The following ADAM18 variants were observed in gnomAD, a reference collection of about 807,000 sequenced individuals.
ADAM18 encodes ADAM metallopeptidase domain 18.
In ADAM18, 117 loss-of-function variants were observed where a neutral mutation model predicts 94.4. That is an observed-to-expected ratio of 1.24 (90% CI 1.07 to 1.45). ADAM18 has a LOEUF of 1.45. ADAM18 is among the 40% of genes most tolerant of loss of function. The pLI is 0.00. For synonymous variants in ADAM18, 327 were observed against 291.6 expected (o/e 1.12, Z -1.24); for missense variants, 936 against 880.0 (o/e 1.06, Z -0.81).
At chr8:39,585,999 A>G (rs1057153261) in intron 2 of ADAM18, among the ~76,000 whole-genome samples, 2 of 152,240 alleles carry the variant, frequency 1.3e-5, no homozygotes, top group African/African-American at 4.8e-5. Context: ...ACTGGAAGTC[A>G]CAATATAGGG....
intron 17 of ADAM18, among the ~76,000 whole-genome samples, chr8:39,694,239 A>G (rs1346291012): frequency 2.0e-5 from 3 of 151,350 alleles, no homozygotes; most frequent in Non-Finnish European, 3.0e-5. Flanking sequence ...ATTTTTTATT[A>G]TAATTTTCAA....
chr8:39,672,178 G>A (rs553327575), intron 14 of ADAM18, among the ~76,000 whole-genome samples: 1 of 152,286 alleles, frequency 6.6e-6, no homozygotes, highest in African/African-American at 2.4e-5. Context: ...TGTAATCTAT[G>A]TACTGTGTAT....
intron 17 of ADAM18, among the ~76,000 whole-genome samples, chr8:39,693,894 C>G (rs1344324109): frequency 2.6e-5 from 4 of 151,110 alleles, no homozygotes; most frequent in Non-Finnish European, 5.9e-5. Flanking sequence ...AATGACAGGT[C>G]TCAATAGACA....
chr8:39,680,131 C>T lies in ADAM18; in HGVS notation c.1726C>T (p.His576Tyr), dbSNP rs373762690. 6.2e-7 allele frequency: 1 copy of T among 1,613,660 alleles called. No homozygotes were observed. Among genetic ancestry groups the T allele is most frequent in the Admixed American group, 1.7e-5 (1 of 59,936 alleles). ...QSTVYSYIQD[H>Y]VCVSIATGSS... ...TACAGTTTATTCATATATTCAAGAC[C>T]ATGTATGTGTATCTATAGCCACTGG... The change falls in exon 16 of 20, where the codon CAT becomes TAT. Residue 576 changes from histidine (H) to tyrosine (Y), a missense_variant. His to Tyr is a moderately conservative substitution (Grantham distance 83, BLOSUM62 2). Transcript: ENST00000265707.
In ADAM18 at chr8:39,677,538, T is replaced by C. The variant is rs373968061; in HGVS notation, c.1631+2T>C. On this transcript the variant is annotated splice_donor_variant, in intron 15 of 19. Coordinates refer to ENST00000265707, the MANE Select transcript of ADAM18 (RefSeq NM_014237.3). LOFTEE classifies it high-confidence loss of function. ...ACAACCATTACCTTGTGAACGGAAG[T>C]ACGTATGTAGAAAATGATTGCTTCT... 2 of 1,581,510 alleles carry C rather than the reference T, an allele frequency of 1.3e-6. No homozygotes were observed. The highest frequency in any genetic ancestry group is 1.7e-6 in the Non-Finnish European group (2 of 1,164,844).
intron 17 of ADAM18, among the ~76,000 whole-genome samples, chr8:39,693,304 T>A (rs1463321675): frequency 2.0e-5 from 3 of 151,530 alleles, no homozygotes; most frequent in Non-Finnish European, 4.4e-5. Context: ...ATTCTATAAT[T>A]TCTAAAATAG....
chr8:39,690,813 C>G (rs569430676), intron 16 of ADAM18, among the ~76,000 whole-genome samples: 1 of 152,170 alleles, frequency 6.6e-6, no homozygotes, highest in Non-Finnish European at 1.5e-5. Flanking sequence ...TCTCAAAGAA[C>G]TTAAAACAAT....
At chr8:39,637,854 T>A in intron 9 of ADAM18, 151 bp downstream of exon 9, 1 of 576,144 alleles carries the variant, frequency 1.7e-6, no homozygotes, top group Non-Finnish European at 2.7e-6. Flanking sequence ...CTAGTGTACT[T>A]AAAAATATAA....
chr8:39,625,725 G>A (rs1819749210), intron 6 of ADAM18, among the ~76,000 whole-genome samples: 2 of 151,662 alleles, frequency 1.3e-5, no homozygotes, highest in Admixed American at 6.6e-5. Flanking sequence ...TGCCTAGTTT[G>A]TTGAATTTTT....
chr8:39,715,314 C>A (rs974489678), intron 18 of ADAM18, among the ~76,000 whole-genome samples: 3 of 151,188 alleles, frequency 2.0e-5, no homozygotes, highest in African/African-American at 2.4e-5. Context: ...TTTGTGAGAC[C>A]CATCAAATGC....
At chr8:39,713,757 G>A (rs1366813068) in intron 18 of ADAM18, among the ~76,000 whole-genome samples, 4 of 151,940 alleles carry the variant, frequency 2.6e-5, no homozygotes, top group African/African-American at 9.7e-5. Context: ...TCTCACACCA[G>A]TTAGAATGGC....
chr8:39,607,756 A>T lies in ADAM18; in HGVS notation c.189-1286A>T, dbSNP rs1348138037. On this transcript the variant is annotated intron_variant, in intron 3 of 19. Coordinates refer to ENST00000265707, the MANE Select transcript of ADAM18 (RefSeq NM_014237.3). ...CTCCTTTCTCTATTTTTTTTTTTTTAATTCTTTCTCATCTCTCGAATCTTA... is the reference window on the plus strand; with the variant it reads ...CTCCTTTCTCTATTTTTTTTTTTTTTATTCTTTCTCATCTCTCGAATCTTA... Among the ~76,000 whole-genome samples the T allele has an allele frequency of 6.6e-4, 85 of 128,920 alleles. No homozygotes were observed. The East Asian group carries it at 0.018, about 27-fold the overall frequency. The allele number at this position is 128,920 out of a possible 152,430, so 84.6% of individuals were successfully genotyped here. A position where few individuals can be genotyped will look rare whatever the true frequency, so the allele number is the denominator to read the frequency against.
At position 39,724,503 on chromosome 8, in the gene ADAM18, A is replaced by G. The variant is rs531212097; in HGVS notation, c.2177+596A>G. On this transcript the variant is annotated intron_variant, in intron 19 of 19. Coordinates refer to ENST00000265707, the MANE Select transcript of ADAM18 (RefSeq NM_014237.3). The stretch of plus-strand genomic sequence containing the variant: ...TTTGTTAATTTTGCTGATATTTTAA[A>G]AGATCCAACTTTTTGTTATAATTAT... Among the ~76,000 whole-genome samples, 26 of 151,894 alleles carry G rather than the reference A, an allele frequency of 1.7e-4. No homozygotes were observed. The South Asian group carries it at 5.4e-3, about 32-fold the overall frequency.
chr8:39,638,579 T>A, intron 10 of ADAM18, 33 bp downstream of exon 10: 3 of 1,297,928 alleles, frequency 2.3e-6, no homozygotes, highest in Non-Finnish European at 3.2e-6. Flanking sequence ...TACATCACTA[T>A]TTTTAGGCCT....
chr8:39,680,221 G>T lies in ADAM18; in HGVS notation c.1816G>T (p.Glu606Ter). 1.2e-6 allele frequency: 2 copies of T among 1,608,022 alleles called. No individual in the cohort carries two copies. The highest frequency in any genetic ancestry group is 1.7e-5 in the Admixed American group (1 of 57,752). ...YVADGTMCGP[E>*]MYCVNKTCRK... ...GGCTGATGGCACCATGTGTGGTCCA[G>T]AAATGGTAACAAAATGTGATAATTT... Residue 606 changes from glutamate to a stop codon, truncating the protein, a stop_gained, in exon 16 of 20, where the codon GAA becomes TAA. Coordinates refer to ENST00000265707, the MANE Select transcript of ADAM18 (RefSeq NM_014237.3). LOFTEE classifies it high-confidence loss of function.
Position 39,637,626 on chromosome 8 carries a change from T to C in ADAM18, c.750T>C (p.Asp250=). The C allele has an allele frequency of 1.2e-6, 2 of 1,612,918 alleles. No homozygotes were observed. Among genetic ancestry groups the C allele is most frequent in the Non-Finnish European group, 1.7e-6 (2 of 1,179,308 alleles). ...AGATTTCCACCAGTGGGGATGCTGA[T>C]GATATATTACAAAGATTTTTGGCAT... ...ENQISTSGDA[D]DILQRFLAWK... is the part of the protein sequence containing the mutation. Residue 250 remains aspartate, a synonymous_variant, in exon 9 of 20, where the codon GAT becomes GAC. Transcript: ENST00000265707.
At position 39,609,132 on chromosome 8, in the gene ADAM18, T is replaced by A; in HGVS notation, c.267+12T>A. The A allele has an allele frequency of 1.3e-6, 2 of 1,509,882 alleles. No individual in the cohort carries two copies. The highest frequency in any genetic ancestry group is 1.8e-6 in the Non-Finnish European group (2 of 1,106,052). The allele number at this position is 1,509,882 out of a possible 1,614,324, so 93.5% of individuals were successfully genotyped here. On this transcript the variant is annotated intron_variant, in intron 4 of 19. Transcript: ENST00000265707. ...CTCCATATTTTATGGTAAAGTAAGA[T>A]ACCTTATTTTTTTTGTTAAAGTGGT...
At chr8:39,665,874 A>G (rs1276349064) in intron 13 of ADAM18, among the ~76,000 whole-genome samples, 1 of 152,126 alleles carries the variant, frequency 6.6e-6, no homozygotes, top group Non-Finnish European at 1.5e-5. Flanking sequence ...CTTTTAGAGT[A>G]AATAAAAGAA....
At chr8:39,661,439 G>A (rs1820837267) in intron 12 of ADAM18, among the ~76,000 whole-genome samples, 1 of 149,592 alleles carries the variant, frequency 6.7e-6, no homozygotes, top group Admixed American at 6.7e-5. Flanking sequence ...CTCCCAAAGT[G>A]CTGAGATTAC....
Sources: gnomAD v4.1 joint callset for allele counts (sites outside exome capture counted in the v4.1 genomes callset) on GRCh38, gnomAD v4.1.1 for gene constraint, MANE v1.5 for transcripts, NCBI Gene and HGNC (gene_info 2026-07-23, HGNC 2026-07-21) for gene names.